Variants in SLCO1A2 observed in about 807,000 individuals in gnomAD.
The protein encoded by SLCO1A2 is solute carrier organic anion transporter family member 1A2, also known as OATP-1.
SLCO1A2 carries 67 observed loss-of-function variants against 69.0 expected under a neutral mutation model. That is an observed-to-expected ratio of 0.97 (90% CI 0.80 to 1.19). The LOEUF (loss-of-function observed/expected upper bound fraction) is 1.19, where lower values mean the gene tolerates loss of function less well. SLCO1A2 is among the 50% of genes most tolerant of loss of function. The pLI is 0.00. For missense variants in SLCO1A2, 787 were observed against 793.7 expected (o/e 0.99, Z 0.10); for synonymous variants, 260 against 265.9 (o/e 0.98, Z 0.22).
chr12:21,333,516 T>C (rs2136954294), intron 2 of SLCO1A2, among the ~76,000 whole-genome samples: 1 of 152,208 alleles, frequency 6.6e-6, no homozygotes, highest in Middle Eastern at 3.4e-3. Flanking sequence ...AAACCTAACT[T>C]GCTATTAAGC....
intron 1 of SLCO1A2, among the ~76,000 whole-genome samples, chr12:21,390,873 C>A (rs1941118085): frequency 6.6e-6 from 1 of 152,264 alleles, no homozygotes; most frequent in Admixed American, 6.5e-5. Context: ...TAATTGGTAG[C>A]TCCTGCTGCT....
At position 21,362,934 on chromosome 12, in the gene SLCO1A2, A is replaced by G. The variant is rs574260653; in HGVS notation, c.-63+11465T>C. Among the ~76,000 whole-genome samples the G allele has an allele frequency of 2.6e-5, 4 of 152,330 alleles. No homozygotes were observed. In the East Asian group the frequency reaches 7.7e-4, roughly 29 times the overall value. On this transcript the variant is annotated intron_variant, in intron 2 of 15. Transcript: ENST00000307378. ...CCTACAAAGAGACTTAGACTCCCAC[A>G]CAATAATAATGGGAGACATTAACAC...
At chr12:21,323,849 C>A (rs557823812) in intron 2 of SLCO1A2, among the ~76,000 whole-genome samples, 22 of 152,280 alleles carry the variant, frequency 1.4e-4, no homozygotes, top group Middle Eastern at 3.4e-3. Flanking sequence ...TGAACTAATT[C>A]ACTTCCTCAA....
chr12:21,368,135 A>G (rs1429112425), intron 2 of SLCO1A2, among the ~76,000 whole-genome samples: 2 of 152,152 alleles, frequency 1.3e-5, no homozygotes, highest in Admixed American at 6.5e-5. Flanking sequence ...TAACCTCATA[A>G]AAGATATTAT....
rs1360378030 is a variant in SLCO1A2, at chr12:21,311,199, T to C, written c.335+3350A>G. On this transcript the variant is annotated intron_variant, in intron 4 of 14. Coordinates refer to ENST00000683939, the MANE Select transcript of SLCO1A2 (RefSeq NM_001386879.1). ...ATCTTAAATTCTAGTTCTCTTTCTC[T>C]TTCCACATCTGCAGTGACTTCCTCC... 3.9e-5 allele frequency among the ~76,000 whole-genome samples: 6 copies of C among 152,214 alleles called. 1 individual carries two copies. The highest frequency in any genetic ancestry group is 1.3e-4 in the Admixed American group (2 of 15,282).
chr12:21,355,094 C>A (rs1485988665), intron 2 of SLCO1A2: 1 of 152,052 alleles, frequency 6.6e-6, no homozygotes, highest in Admixed American at 6.6e-5. Flanking sequence ...CACAAAGATA[C>A]AAAGATACTA....
upstream of SLCO1A2, among the ~76,000 whole-genome samples, chr12:21,399,024 G>A (rs1393750895): frequency 1.4e-3 from 204 of 149,588 alleles, no homozygotes; most frequent in Non-Finnish European, 2.8e-3. Flanking sequence ...GTTCTGGCCA[G>A]GGCAATTAGG....
Position 21,294,010 on chromosome 12 carries a change from C to G in SLCO1A2, c.1372G>C (p.Gly458Arg). 1 of 1,613,104 alleles carries G rather than the reference C, an allele frequency of 6.2e-7. No individual in the cohort carries two copies. The highest frequency in any genetic ancestry group is 8.5e-7 in the Non-Finnish European group (1 of 1,179,544). ...KIWDPVCGNNGLSYLSACLAG... is the reference protein window; with the variant it reads ...KIWDPVCGNNRLSYLSACLAG... Reference sequence around the variant, plus strand: ...AGACAAGCTGACAGATATGACAAGCCATTGTTTCCACACACAGGATCCCAT... The same window carrying G: ...AGACAAGCTGACAGATATGACAAGCGATTGTTTCCACACACAGGATCCCAT... The change falls in exon 11 of 15, where the codon GGC (glycine) becomes CGC (arginine). Residue 458 changes from glycine to arginine, a missense_variant. Gly to Arg is a moderately radical substitution (Grantham distance 125, BLOSUM62 -2). Transcript: ENST00000683939.
At chr12:21,356,532 G>T (rs1477943302) in intron 2 of SLCO1A2, among the ~76,000 whole-genome samples, 2 of 128,794 alleles carry the variant, frequency 1.6e-5, no homozygotes, top group Admixed American at 1.5e-4. Context: ...AGAAAAAAAT[G>T]AGTCATGATC....
chr12:21,414,413 C>A (rs1038107901), intron 1 of SLCO1A2, among the ~76,000 whole-genome samples: 2 of 151,750 alleles, frequency 1.3e-5, no homozygotes, highest in African/African-American at 4.8e-5. Flanking sequence ...ATCATGTTTT[C>A]CTTAACCTGT....
chr12:21,370,806 C>A lies in SLCO1A2; in HGVS notation c.-63+3593G>T, dbSNP rs111648279. Among the ~76,000 whole-genome samples the A allele has an allele frequency of 1.0e-3, 157 of 152,244 alleles. 1 individual carries two copies. The highest frequency in any genetic ancestry group is 3.6e-3 in the African/African-American group (149 of 41,548). The stretch of plus-strand genomic sequence containing the variant: ...CATTAACTAGATGTTTGATGTTGAA[C>A]TTTATTTAATGTCACTGGCCCTGGT... On this transcript the variant is annotated intron_variant, in intron 2 of 15. Transcript: ENST00000307378.
chr12:21,341,797 GA>G (rs1953078414), intron 2 of SLCO1A2, among the ~76,000 whole-genome samples: 1 of 151,918 alleles, frequency 6.6e-6, no homozygotes, highest in African/African-American at 2.4e-5. Context: ...TCATATAAAG[GA>G]AACAGTTTGG....
intron 2 of SLCO1A2, among the ~76,000 whole-genome samples, chr12:21,321,938 A>C (rs1246777637): frequency 6.6e-6 from 1 of 152,160 alleles, no homozygotes; most frequent in Non-Finnish European, 1.5e-5. Flanking sequence ...TTCTGAGAGC[A>C]AGTCAGATAC....
chr12:21,397,969 A>G (rs1421861964), upstream of SLCO1A2, among the ~76,000 whole-genome samples: 5 of 101,280 alleles, frequency 4.9e-5, no homozygotes, highest in Non-Finnish European at 1.0e-4. Flanking sequence ...AAGAACTAGA[A>G]AAGCAAGAGC....
At chr12:21,339,382 G>A (rs567772313), upstream of SLCO1A2, among the ~76,000 whole-genome samples, 19 of 151,986 alleles carry the variant, frequency 1.3e-4, no homozygotes, top group South Asian at 2.1e-4. Context: ...TCATTTGAAC[G>A]ATCACTTGAT....
intron 2 of SLCO1A2, among the ~76,000 whole-genome samples, chr12:21,367,544 TTA>T (rs1299772976): frequency 6.6e-6 from 1 of 152,068 alleles, no homozygotes; most frequent in African/African-American, 2.4e-5. Context: ...ATATCATATT[TTA>T]TCATTCTCTG....
chr12:21,273,417 T>C (rs1162055333), intron 14 of SLCO1A2, among the ~76,000 whole-genome samples: 1 of 152,194 alleles, frequency 6.6e-6, no homozygotes, highest in Non-Finnish European at 1.5e-5. Context: ...TAGGGATCCA[T>C]GGAGAATTGT....
chr12:21,290,842 T>C (rs966152498), intron 12 of SLCO1A2, among the ~76,000 whole-genome samples: 3 of 152,162 alleles, frequency 2.0e-5, no homozygotes, highest in Non-Finnish European at 4.4e-5. Flanking sequence ...AGGATTTCAT[T>C]TCATAAATGG....
chr12:21,310,545 T>C (rs2417974), intron 4 of SLCO1A2, among the ~76,000 whole-genome samples: 5,868 of 152,334 alleles, frequency 0.039, 475 homozygotes, highest in East Asian at 0.35. Context: ...AAGTTTCCTG[T>C]GGCAATTGAC....
Sources: gnomAD v4.1 joint callset for allele counts (sites outside exome capture counted in the v4.1 genomes callset) on GRCh38, gnomAD v4.1.1 for gene constraint, MANE v1.5 for transcripts, NCBI Gene and HGNC (gene_info 2026-07-23, HGNC 2026-07-21) for gene names.